Variants in CHD9 observed in about 807,000 individuals in gnomAD.
CHD9 encodes chromodomain helicase DNA binding protein 9.
A neutral mutation model predicts 316.1 loss-of-function variants in CHD9; 77 were observed. That is an observed-to-expected ratio of 0.24 (90% CI 0.20 to 0.29). CHD9 has a LOEUF of 0.29. Among genes scored for constraint, CHD9 ranks in the 10% least tolerant of loss-of-function variants. CHD9 has a pLI of 1.00. For synonymous variants in CHD9, 1,129 were observed against 1,158.3 expected, an observed-to-expected ratio of 0.97 and a Z score of 0.51; for missense variants, 2,763 against 3,438.1, an observed-to-expected ratio of 0.80 and a Z score of 4.91.
intron 13 of CHD9, among the ~76,000 whole-genome samples, chr16:53,243,488 T>C (rs1334451392): frequency 6.6e-6 from 1 of 152,162 alleles, no homozygotes; most frequent in Non-Finnish European, 1.5e-5. Flanking sequence ...TAATTTTGTA[T>C]TTTTAGTAGA....
chr16:53,246,505 T>TG (rs2049626784), intron 15 of CHD9, among the ~76,000 whole-genome samples: 1 of 151,736 alleles, frequency 6.6e-6, no homozygotes, highest in African/African-American at 2.4e-5. Flanking sequence ...TCTGTGTTTT[T>TG]TTGTTGTTGT....
At chr16:53,114,160 A>G (rs2038089806) in intron 1 of CHD9, among the ~76,000 whole-genome samples, 1 of 152,138 alleles carries the variant, frequency 6.6e-6, no homozygotes, top group Admixed American at 6.5e-5. Flanking sequence ...AAACATATGA[A>G]CAAGCATTTT....
intron 2 of CHD9, among the ~76,000 whole-genome samples, chr16:53,167,821 ACT>A (rs1331497304): frequency 6.6e-6 from 1 of 150,774 alleles, no homozygotes; most frequent in African/African-American, 2.4e-5. Context: ...TTATCGCAAA[ACT>A]CTTACAAAAA....
At chr16:53,316,628 T>G (rs911519637) in intron 36 of CHD9, among the ~76,000 whole-genome samples, 5 of 152,224 alleles carry the variant, frequency 3.3e-5, no homozygotes, top group African/African-American at 1.2e-4. Flanking sequence ...AAAAGCATTT[T>G]CCTTTGTAAA....
rs2049227090 is a variant in CHD9, at chr16:53,242,849, A to C, written c.2887A>C (p.Ile963Leu). Residue 963 changes from isoleucine to leucine, a missense_variant, in exon 13 of 39, where the codon ATT (isoleucine) becomes CTT (leucine). Ile to Leu is a conservative substitution (Grantham distance 5). Coordinates refer to ENST00000447540, the MANE Select transcript of CHD9 (RefSeq NM_001308319.2). ...MYFRDSQGRI[I>L]RGAYRFQAII... ...ATTTGATCATTTCTAGGGGCGTATC[A>C]TTCGAGGAGCTTACAGATTCCAAGC... The C allele has an allele frequency of 6.2e-7, 1 of 1,612,490 alleles. No homozygotes were observed. Among genetic ancestry groups the C allele is most frequent in the African/African-American group, 1.3e-5 (1 of 74,854 alleles).
At position 53,314,879 on chromosome 16, in the gene CHD9, C is replaced by T; in HGVS notation, c.7419C>T (p.Ser2473=). Residue 2473 remains serine (S), a synonymous_variant, in exon 36 of 39, where the codon TCC becomes TCT. Transcript: ENST00000447540. ...CCACAGGGATAAATCCAGCACTATC[C>T]TATACTCAACCTCAAGGAATTCCTG... The part of the protein sequence containing the change: ...QISTGINPAL[S]YTQPQGIPDT... 1 of 1,613,764 alleles carries T rather than the reference C, an allele frequency of 6.2e-7. No individual in the cohort carries two copies. Among genetic ancestry groups the T allele is most frequent in the Non-Finnish European group, 8.5e-7 (1 of 1,179,796 alleles).
chr16:53,139,437 C>T (rs1363887264), intron 1 of CHD9, among the ~76,000 whole-genome samples: 1 of 151,898 alleles, frequency 6.6e-6, no homozygotes, highest in African/African-American at 2.4e-5. Context: ...TTTAATTGAA[C>T]CAAGGACTGG....
intron 2 of CHD9, among the ~76,000 whole-genome samples, chr16:53,197,454 C>T (rs975895875): frequency 1.3e-5 from 2 of 152,128 alleles, no homozygotes; most frequent in African/African-American, 4.8e-5. Context: ...ATCAGGTTCC[C>T]AGTGCACCTC....
At chr16:53,100,794 A>G (rs1181598356) in intron 1 of CHD9, among the ~76,000 whole-genome samples, 2 of 152,168 alleles carry the variant, frequency 1.3e-5, no homozygotes, top group African/African-American at 2.4e-5. Flanking sequence ...ACAAACACTT[A>G]GAAGCTCTAT....
At position 53,156,810 on chromosome 16, in the gene CHD9, T is replaced by G; in HGVS notation, c.721T>G (p.Phe241Val). The change falls in exon 2 of 39, where the codon TTC becomes GTC. Residue 241 changes from phenylalanine to valine, a missense_variant. This residue lies in a region of CHD9 where 859 missense variants were observed against 890.4 expected (regional missense o/e 0.96). Coordinates refer to ENST00000447540, the MANE Select transcript of CHD9 (RefSeq NM_001308319.2). The part of the protein sequence containing the change: ...FSQTSNPSAH[F>V]HKCSSHQEGN... ...TCAAACGTCAAATCCTTCAGCACAC[T>G]TCCACAAGTGTAGCAGTCATCAAGA... 6.2e-7 allele frequency: 1 copy of G among 1,613,846 alleles called. No homozygotes were observed. Among genetic ancestry groups the G allele is most frequent in the Non-Finnish European group, 8.5e-7 (1 of 1,179,884 alleles).
At chr16:53,269,475 T>C (rs1200557673) in intron 22 of CHD9, among the ~76,000 whole-genome samples, 1 of 152,118 alleles carries the variant, frequency 6.6e-6, no homozygotes, top group Admixed American at 6.5e-5. Flanking sequence ...TAGTTATAGA[T>C]TGTGGTAATT....
At chr16:53,266,391 G>C (rs1345100933) in intron 20 of CHD9, among the ~76,000 whole-genome samples, 1 of 152,062 alleles carries the variant, frequency 6.6e-6, no homozygotes, top group Non-Finnish European at 1.5e-5. Flanking sequence ...GTCCTCTCCT[G>C]CTCTAGGACA....
rs555319385 is a variant in CHD9 at position 53,107,170 on chromosome 16, C to T, written c.-164-48756C>T. Among the ~76,000 whole-genome samples the T allele has an allele frequency of 2.0e-5, 3 of 152,100 alleles. No homozygotes were observed. In the South Asian group the frequency reaches 6.2e-4, roughly 32 times the overall value. On this transcript the variant is annotated intron_variant, in intron 1 of 38. Transcript: ENST00000447540. ...TAAATGTAGGCCAGGCGTGGTGGCT[C>T]ACACTTGTAATCCCAGCATTTTGGG...
intron 34 of CHD9, among the ~76,000 whole-genome samples, chr16:53,312,351 T>C (rs1199524488): frequency 1.3e-5 from 2 of 152,140 alleles, no homozygotes; most frequent in Non-Finnish European, 2.9e-5. Context: ...TAATAAACGT[T>C]GGAAAAGAGG....
At chr16:53,223,251 CTTTT>C (rs58315231) in intron 4 of CHD9, among the ~76,000 whole-genome samples, 18 of 138,986 alleles carry the variant, frequency 1.3e-4, no homozygotes, top group East Asian at 2.1e-4. Context: ...TGCATTTTGC[CTTTT>C]TTTTTTTTTT....
In CHD9 at chr16:53,132,246, G is replaced by C. The variant is rs777760720; in HGVS notation, c.-164-23680G>C. 8.0e-4 allele frequency among the ~76,000 whole-genome samples: 122 copies of C among 152,024 alleles called. 2 individuals are homozygous for C. Among genetic ancestry groups the C allele is most frequent in the Admixed American group, 1.2e-3 (18 of 15,256 alleles). On this transcript the variant is annotated intron_variant, in intron 1 of 38. Coordinates refer to ENST00000447540, the MANE Select transcript of CHD9 (RefSeq NM_001308319.2). ...TGAAAGTCTGGGATTTGACGCTATT[G>C]TGACATTTATTTATGTGAAATATTC...
chr16:53,206,165 C>T (rs1440831707), intron 2 of CHD9, among the ~76,000 whole-genome samples: 3 of 152,046 alleles, frequency 2.0e-5, no homozygotes, highest in Admixed American at 1.3e-4. Flanking sequence ...GTTGGTCAGG[C>T]TGGTCTCGAA....
At chr16:53,167,586 AAAG>A (rs2042358684) in intron 2 of CHD9, among the ~76,000 whole-genome samples, 1 of 151,274 alleles carries the variant, frequency 6.6e-6, no homozygotes, top group South Asian at 2.1e-4. Context: ...CATTCTACTT[AAAG>A]AAGGTGTTCC....
intron 2 of CHD9, among the ~76,000 whole-genome samples, chr16:53,182,862 G>T (rs1468437889): frequency 1.3e-5 from 2 of 152,016 alleles, no homozygotes; most frequent in African/African-American, 4.8e-5. Context: ...AAATTATTTT[G>T]TGGAATTTGA....
Sources: allele counts gnomAD v4.1 joint callset (sites outside exome capture counted in the v4.1 genomes callset), GRCh38; gene constraint gnomAD v4.1.1; regional missense constraint gnomAD v4.1.1; transcripts MANE v1.5; gene names NCBI Gene and HGNC (gene_info 2026-07-23, HGNC 2026-07-21).